The following PEBP4 variants were observed in gnomAD, a reference collection of about 807,000 sequenced individuals.
The protein encoded by PEBP4 is phosphatidylethanolamine binding protein 4, also known as phosphatidylethanolamine-binding protein 4.
PEBP4 carries 22 observed loss-of-function variants against 23.9 expected under a neutral mutation model. That is an observed-to-expected ratio of 0.92 (90% confidence interval 0.66 to 1.31). The LOEUF is 1.31. Among genes scored for constraint, PEBP4 ranks in the 40% most tolerant of loss-of-function variants. PEBP4 has a pLI of 0.00. For synonymous variants in PEBP4, 112 were observed against 99.3 expected, an observed-to-expected ratio of 1.13 and a Z score of -0.76; for missense variants, 324 against 281.7, an observed-to-expected ratio of 1.15 and a Z score of -1.07.
chr8:22,835,566 T>TA (rs1199898420), intron 3 of PEBP4, among the ~76,000 whole-genome samples: 1 of 152,226 alleles, frequency 6.6e-6, no homozygotes, highest in Non-Finnish European at 1.5e-5. Flanking sequence ...ATGGGACTGT[T>TA]ACAGAATCCT....
intron 1 of PEBP4, among the ~76,000 whole-genome samples, chr8:22,937,798 ATGTG>A (rs55794481): frequency 0.058 from 8,728 of 150,346 alleles, 552 homozygotes; most frequent in African/African-American, 0.16. Flanking sequence ...ATGTGTATGT[ATGTG>A]TGTGTGTGTG....
chr8:22,722,762 G>T (rs1804543055), intron 6 of PEBP4, among the ~76,000 whole-genome samples: 3 of 137,496 alleles, frequency 2.2e-5, no homozygotes, highest in Non-Finnish European at 4.6e-5. Flanking sequence ...CTTTCATCTG[G>T]GAGGGCCATT....
chr8:22,886,834 T>C (rs939541706), intron 3 of PEBP4: 3 of 152,366 alleles, frequency 2.0e-5, no homozygotes, highest in African/African-American at 7.2e-5. Flanking sequence ...GAGGTGGGTG[T>C]TTGAGGGAGC....
intron 3 of PEBP4, among the ~76,000 whole-genome samples, chr8:22,826,412 G>C (rs1806969466): frequency 6.6e-6 from 1 of 152,180 alleles, no homozygotes; most frequent in Non-Finnish European, 1.5e-5. Flanking sequence ...TCCAACTAAA[G>C]ATATCTGCAC....
intron 2 of PEBP4, among the ~76,000 whole-genome samples, chr8:22,926,644 C>T (rs1809341291): frequency 6.6e-6 from 1 of 152,090 alleles, no homozygotes; most frequent in African/African-American, 2.4e-5. Flanking sequence ...CTTCACCCAA[C>T]AAAAATGTTA....
chr8:22,794,112 C>G (rs1806194548), intron 4 of PEBP4, among the ~76,000 whole-genome samples: 1 of 151,974 alleles, frequency 6.6e-6, no homozygotes, highest in African/African-American at 2.4e-5. Context: ...TATTGTATTT[C>G]TTTTGAAAAA....
At chr8:22,823,362 C>T (rs1806898469) in intron 3 of PEBP4, among the ~76,000 whole-genome samples, 2 of 151,768 alleles carry the variant, frequency 1.3e-5, no homozygotes, top group African/African-American at 4.8e-5. Flanking sequence ...AAATGAAAAA[C>T]AAGCTTTCAA....
intron 4 of PEBP4, among the ~76,000 whole-genome samples, chr8:22,793,874 C>A (rs1310224144): frequency 6.6e-6 from 1 of 152,136 alleles, no homozygotes; most frequent in African/African-American, 2.4e-5. Flanking sequence ...TACACACAGC[C>A]AAATAATGCT....
At chr8:22,823,117 G>T (rs1424859423) in intron 3 of PEBP4, among the ~76,000 whole-genome samples, 1 of 151,790 alleles carries the variant, frequency 6.6e-6, no homozygotes, top group Non-Finnish European at 1.5e-5. Context: ...CATAAGTAAA[G>T]GAATCAAAAT....
intron 3 of PEBP4, among the ~76,000 whole-genome samples, chr8:22,866,230 A>G (rs1278738778): frequency 1.3e-5 from 2 of 152,188 alleles, no homozygotes; most frequent in Non-Finnish European, 2.9e-5. Context: ...TAGCTAATAT[A>G]TGTACGACAC....
At chr8:22,868,244 A>G (rs933342421) in intron 3 of PEBP4, among the ~76,000 whole-genome samples, 10 of 152,132 alleles carry the variant, frequency 6.6e-5, no homozygotes, top group Non-Finnish European at 1.5e-4. Context: ...TTCTCTTCTT[A>G]CTGCTTTTTA....
intron 4 of PEBP4, among the ~76,000 whole-genome samples, chr8:22,760,685 C>T (rs1475217527): frequency 1.3e-5 from 2 of 152,048 alleles, no homozygotes; most frequent in Non-Finnish European, 2.9e-5. Context: ...TTTTGGAATC[C>T]CCAGGCTACT....
At chr8:22,733,346 G>A (rs903010147) in intron 4 of PEBP4, among the ~76,000 whole-genome samples, 5 of 152,198 alleles carry the variant, frequency 3.3e-5, no homozygotes, top group African/African-American at 1.2e-4. Flanking sequence ...TCCTTTGGGT[G>A]TCCCCGTAGG....
chr8:22,889,043 G>A (rs932957217), intron 3 of PEBP4, among the ~76,000 whole-genome samples: 6 of 152,132 alleles, frequency 3.9e-5, no homozygotes, highest in Admixed American at 6.5e-5. Flanking sequence ...TGTTTGTTTT[G>A]TCTTCTCAAG....
chr8:22,779,090 G>T (rs1365030032), intron 4 of PEBP4, among the ~76,000 whole-genome samples: 1 of 151,310 alleles, frequency 6.6e-6, no homozygotes, highest in Admixed American at 6.6e-5. Flanking sequence ...GGGGAGGAGG[G>T]GGATGGGGTT....
intron 3 of PEBP4, among the ~76,000 whole-genome samples, chr8:22,868,383 G>A (rs999102348): frequency 1.3e-5 from 2 of 152,020 alleles, no homozygotes; most frequent in Non-Finnish European, 2.9e-5. Context: ...CTTTCCTCTG[G>A]GTGTGCCCGG....
intron 3 of PEBP4, among the ~76,000 whole-genome samples, chr8:22,873,148 C>T (rs1202601140): frequency 1.3e-5 from 2 of 152,116 alleles, no homozygotes; most frequent in Admixed American, 6.5e-5. Context: ...GAGAATCTCC[C>T]GAAGCTGGTA....
chr8:22,801,370 C>G (rs1806376405), intron 4 of PEBP4, among the ~76,000 whole-genome samples: 1 of 152,174 alleles, frequency 6.6e-6, no homozygotes, highest in African/African-American at 2.4e-5. Context: ...CCAGGTCCAC[C>G]TGGTGTCAGT....
intron 3 of PEBP4, among the ~76,000 whole-genome samples, chr8:22,822,813 G>T (rs1156819276): frequency 1.3e-5 from 2 of 151,902 alleles, no homozygotes; most frequent in Non-Finnish European, 2.9e-5. Flanking sequence ...AACTTGGATA[G>T]AAAAAGAAAT....
Sources: gnomAD v4.1 joint callset for allele counts (sites outside exome capture counted in the v4.1 genomes callset) on GRCh38, gnomAD v4.1.1 for gene constraint, MANE v1.5 for transcripts, NCBI Gene and HGNC (gene_info 2026-07-23, HGNC 2026-07-21) for gene names.